TMEM200C: variants seen among roughly 807,000 people sequenced by gnomAD.
TMEM200C encodes the protein transmembrane protein 200C.
For synonymous variants in TMEM200C, 462 were observed against 324.7 expected (o/e 1.42, Z -4.55); for missense variants, 966 against 699.9 (o/e 1.38, Z -4.29).
exon 3 of TMEM200C, chr18:5,890,097 C>T (rs2144445007): frequency 9.0e-7 from 1 of 1,113,282 alleles, no homozygotes; most frequent in Non-Finnish European, 1.2e-6. Flanking sequence ...GAATGATGTC[C>T]TCGGATCAGT....
Position 5,891,437 on chromosome 18 carries a change from G to A in TMEM200C, c.627C>T (p.Asp209=), listed in dbSNP as rs369332908. The change falls in exon 3 of 3, where the codon GAC becomes GAT. Residue 209 remains aspartate (D), a synonymous_variant. Transcript: ENST00000581347. This position sits in a 1 kb window ranked among gnomAD's most constrained non-coding sequence, Gnocchi z 4.7. ...GGTCTTTGGCGCGGAGGCTGTGCAC[G>A]TCGATGACGGTGGAGTAGAGGTCCC... 68 of 1,532,576 alleles carry A rather than the reference G, an allele frequency of 4.4e-5. No individual in the cohort carries two copies. The highest frequency in any genetic ancestry group is 5.8e-5 in the Non-Finnish European group (66 of 1,136,578). 94.9% of individuals were successfully genotyped at this position (1,532,576 alleles called of 1,614,324 possible). A position where few individuals can be genotyped will look rare whatever the true frequency, so the allele number is the denominator to read the frequency against.
chr18:5,884,580 A>G (rs1316341874), exon 3 of TMEM200C: 2 of 152,170 alleles, frequency 1.3e-5, no homozygotes, highest in South Asian at 2.1e-4. Flanking sequence ...AGAGTATAAT[A>G]TATCTGAAAC....
Position 5,891,189 on chromosome 18 carries a change from C to T in TMEM200C, c.875G>A (p.Ser292Asn), listed in dbSNP as rs1423210737. Residue 292 changes from serine (S) to asparagine (N), a missense_variant, in exon 3 of 3, where the codon AGC becomes AAC. Coordinates refer to ENST00000581347, the Ensembl canonical transcript of TMEM200C. The surrounding 1 kb of genome is among the most constrained non-coding windows in gnomAD (Gnocchi z 4.7). ...CGCGGCGCCCCGAGGGCGGCCGCCG[C>T]TCGGCGCCGCGGGGTGAGGAGGCCA... The T allele has an allele frequency of 2.0e-5, 18 of 910,068 alleles. No individual in the cohort carries two copies. Among genetic ancestry groups the T allele is most frequent in the Non-Finnish European group, 2.5e-5 (17 of 691,458 alleles). 56.4% of individuals were successfully genotyped at this position (910,068 alleles called of 1,614,324 possible).
At chr18:5,888,538 A>G (rs568012504) in exon 3 of TMEM200C, 13 of 152,342 alleles carry the variant, frequency 8.5e-5, no homozygotes, top group African/African-American at 3.1e-4. Context: ...TATATCATCT[A>G]CCAGAGGCCC....
exon 3 of TMEM200C, chr18:5,889,113 G>T (rs2095167599): frequency 6.6e-6 from 1 of 152,236 alleles, no homozygotes; most frequent in Non-Finnish European, 1.5e-5. Context: ...TATAATCAGT[G>T]ATAGCCAAGA....
chr18:5,888,289 G>A (rs2095166920), exon 3 of TMEM200C: 1 of 152,192 alleles, frequency 6.6e-6, no homozygotes, highest in African/African-American at 2.4e-5. Context: ...ACTCACTTTT[G>A]CTTTATAGAA....
chr18:5,895,459 G>T (rs1205176176), exon 2 of TMEM200C: 5 of 150,094 alleles, frequency 3.3e-5, no homozygotes, highest in Non-Finnish European at 7.4e-5. Context: ...GCGGCTCGGG[G>T]CGGCCGGACT....
In TMEM200C at chr18:5,891,388, C is replaced by G; in HGVS notation, c.676G>C (p.Ala226Pro). Reference sequence around the variant, plus strand: ...GACGACGAAGAGGCGGCGGCGGCCGCGGCGGCGGCCGCGGCGGCCGCCAGG... The same window carrying G: ...GACGACGAAGAGGCGGCGGCGGCCGGGGCGGCGGCCGCGGCGGCCGCCAGG... The change falls in exon 3 of 3, where the codon GCG becomes CCG. Residue 226 changes from alanine (A) to proline (P), a missense_variant. Transcript: ENST00000581347. The surrounding 1 kb of genome is among the most constrained non-coding windows in gnomAD (Gnocchi z 4.7). 1 of 1,340,886 alleles carries G rather than the reference C, an allele frequency of 7.5e-7. No individual in the cohort carries two copies. The highest frequency in any genetic ancestry group is 2.1e-5 in the South Asian group (1 of 47,292). 83.1% of individuals were successfully genotyped at this position (1,340,886 alleles called of 1,614,324 possible).
At chr18:5,890,579 C>A in exon 3 of TMEM200C, 2 of 1,271,252 alleles carry the variant, frequency 1.6e-6, no homozygotes, top group Non-Finnish European at 2.0e-6. Context: ...GGCTGGAGTC[C>A]GGGTCCGCAC....
chr18:5,892,958 T>A (rs2095172676), intron 2 of TMEM200C, among the ~76,000 whole-genome samples: 1 of 152,188 alleles, frequency 6.6e-6, no homozygotes, highest in South Asian at 2.1e-4. Context: ...GAATATTTAG[T>A]TTTAGGTAAC....
At chr18:5,886,249 C>T (rs2095165278) in exon 3 of TMEM200C, 1 of 152,006 alleles carries the variant, frequency 6.6e-6, no homozygotes, top group Non-Finnish European at 1.5e-5. Context: ...AATAGAGCAC[C>T]TGATCTTTAC....
chr18:5,886,344 T>C (rs1479408795), exon 3 of TMEM200C: 1 of 152,188 alleles, frequency 6.6e-6, no homozygotes, highest in African/African-American at 2.4e-5. Context: ...AATGCAATAA[T>C]TGTGGCTAAA....
chr18:5,891,779 G>T lies in TMEM200C; in HGVS notation c.285C>A (p.Ser95Arg). Reference sequence around the variant, plus strand: ...TGTTGGCCGTGGTTGGGACCCGGTGGCTGCTGCCCGCAGGCGGCAGCTGCT... The same window carrying T: ...TGTTGGCCGTGGTTGGGACCCGGTGTCTGCTGCCCGCAGGCGGCAGCTGCT... Residue 95 changes from serine (S) to arginine (R), a missense_variant, in exon 3 of 3, where the codon AGC (serine) becomes AGA (arginine). Transcript: ENST00000581347. The surrounding 1 kb of genome is among the most constrained non-coding windows in gnomAD (Gnocchi z 4.7). 1 of 1,608,304 alleles carries T rather than the reference G, an allele frequency of 6.2e-7. No homozygotes were observed. Among genetic ancestry groups the T allele is most frequent in the Non-Finnish European group, 8.5e-7 (1 of 1,179,130 alleles).
Position 5,891,881 on chromosome 18 carries a change from C to T in TMEM200C, c.183G>A (p.Leu61=), listed in dbSNP as rs1284057638. 6.2e-7 allele frequency: 1 copy of T among 1,612,260 alleles called. No individual in the cohort carries two copies. The highest frequency in any genetic ancestry group is 1.1e-5 in the South Asian group (1 of 91,076). The change falls in exon 3 of 3, where the codon CTG becomes CTA. Residue 61 remains leucine, a synonymous_variant. Coordinates refer to ENST00000581347, the Ensembl canonical transcript of TMEM200C. This position sits in a 1 kb window ranked among gnomAD's most constrained non-coding sequence, Gnocchi z 4.7. ...CCATGGCTATGCCCACCAGCAGCAC[C>T]AGGATCCCACAGAGGGCGATGAGCC...
At chr18:5,888,723 C>T (rs538369154) in exon 3 of TMEM200C, 14 of 152,312 alleles carry the variant, frequency 9.2e-5, no homozygotes, top group African/African-American at 3.4e-4. Flanking sequence ...TTGAATACAT[C>T]CTGTGGGCCA....
At chr18:5,894,849 A>G (rs1321516236) in intron 2 of TMEM200C, among the ~76,000 whole-genome samples, 181 bp downstream of exon 1, 1 of 152,172 alleles carries the variant, frequency 6.6e-6, no homozygotes, top group Admixed American at 6.5e-5. Flanking sequence ...GCAATCCTGA[A>G]CTAGCTTTTT....
Position 5,891,821 on chromosome 18 carries a change from G to C in TMEM200C, c.243C>G (p.Thr81=). The C allele has an allele frequency of 1.9e-6, 3 of 1,605,312 alleles. No homozygotes were observed. Among genetic ancestry groups the C allele is most frequent in the South Asian group, 1.1e-5 (1 of 91,044 alleles). The change falls in exon 3 of 3, where the codon ACC becomes ACG. Residue 81 remains threonine, a synonymous_variant. Transcript: ENST00000581347. The surrounding 1 kb of genome is among the most constrained non-coding windows in gnomAD (Gnocchi z 4.7). ...GCAGCTGCTTACCCCCCTCCCGATTGGTCCCGGTGGCCTTGGGCCAGTAGC... is the reference window on the plus strand; with the variant it reads ...GCAGCTGCTTACCCCCCTCCCGATTCGTCCCGGTGGCCTTGGGCCAGTAGC...
chr18:5,887,961 T>C (rs2095166642), exon 3 of TMEM200C: 1 of 152,252 alleles, frequency 6.6e-6, no homozygotes, highest in Non-Finnish European at 1.5e-5. Context: ...ATAAACAGTA[T>C]TCTGTCCACC....
chr18:5,886,794 CCT>C (rs1433028094), exon 3 of TMEM200C: 2 of 152,034 alleles, frequency 1.3e-5, no homozygotes, highest in East Asian at 3.9e-4. Context: ...TATATAACCC[CCT>C]AAGTCACACT....
Sources: allele counts gnomAD v4.1 joint callset (sites outside exome capture counted in the v4.1 genomes callset), GRCh38; gene constraint gnomAD v4.1.1; non-coding constraint Gnocchi (gnomAD v3.1); transcripts MANE v1.5; gene names NCBI Gene and HGNC (gene_info 2026-07-23, HGNC 2026-07-21).